HSPA1L: variants seen among roughly 807,000 people sequenced by gnomAD.
HSPA1L encodes the protein heat shock protein family A (Hsp70) member 1 like, also known as heat shock 70 kDa protein 1-like.
HSPA1L carries 21 observed loss-of-function variants against 31.5 expected under a neutral mutation model. The observed-to-expected ratio is 0.67, with a 90% CI of 0.47 to 0.96. The LOEUF (loss-of-function observed/expected upper bound fraction) is 0.96, where lower values mean the gene tolerates loss of function less well. HSPA1L is among the 40% of genes least tolerant of loss of function. The pLI, the probability that HSPA1L is intolerant of heterozygous loss-of-function variation, is 0.00. For synonymous variants in HSPA1L, 293 were observed against 323.1 expected (o/e 0.91, Z 1.00); for missense variants, 709 against 813.4 (o/e 0.87, Z 1.56).
At position 31,810,689 on chromosome 6, in the gene HSPA1L, C is replaced by CT. The variant is rs1232559559; in HGVS notation, c.1283dup (p.Ile429AspfsTer7). ...GGTTGTCAGAGTAGGTGGTGAAAAT[C>CT]TGTGTCTGCTTGGTGGGGATGGTGG... On this transcript the variant is annotated frameshift_variant, in exon 2 of 2. Coordinates refer to ENST00000375654, the MANE Select transcript of HSPA1L (RefSeq NM_005527.4). LOFTEE classifies it high-confidence loss of function. 6 of 1,614,010 alleles carry CT rather than the reference C, an allele frequency of 3.7e-6. 1 individual carries two copies. In the South Asian group the frequency reaches 6.6e-5, roughly 18 times the overall value.
chr6:31,814,492 G>A (rs1815709351), intron 1 of HSPA1L, among the ~76,000 whole-genome samples: 1 of 143,960 alleles, frequency 6.9e-6, no homozygotes, highest in African/African-American at 2.6e-5. Flanking sequence ...CTGGGCGACA[G>A]AGCGAGACTC....
chr6:31,811,806 G>T lies in HSPA1L; in HGVS notation c.167C>A (p.Ala56Glu). The change falls in exon 2 of 2, where the codon GCG becomes GAG. Residue 56 changes from alanine to glutamate, a missense_variant. By Grantham distance (107) the Ala-to-Glu change is moderately radical (BLOSUM62 -1). Coordinates refer to ENST00000375654, the MANE Select transcript of HSPA1L (RefSeq NM_005527.4). ...ATTCATTGCTACCTGGTTCTTGGCC[G>T]CATCCCCAATGAGCCGCTCGGTGTC... ...FTDTERLIGD[A>E]AKNQVAMNPQ... The T allele has an allele frequency of 1.2e-6, 2 of 1,614,132 alleles. No homozygotes were observed. The highest frequency in any genetic ancestry group is 2.2e-5 in the South Asian group (2 of 91,086).
In HSPA1L at chr6:31,815,097, G is replaced by A. The variant is rs917959526; in HGVS notation, c.-222C>T. The A allele has an allele frequency of 2.1e-6, 2 of 936,514 alleles. No homozygotes were observed. The highest frequency in any genetic ancestry group is 2.6e-6 in the Non-Finnish European group (2 of 782,748). The allele number at this position is 936,514 out of a possible 1,614,324, so 58.0% of individuals were successfully genotyped here. A position where few individuals can be genotyped will look rare whatever the true frequency, so the allele number is the denominator to read the frequency against. On this transcript the variant is annotated 5_prime_UTR_variant, in exon 1 of 2. It adds an upstream start codon to the 5' untranslated region. Transcript: ENST00000375654. The stretch of plus-strand genomic sequence containing the variant: ...TCAGAGACAGTATCTCCATTGTAAC[G>A]TGGCCGGGCGGTGTCAACACAAACG...
Position 31,810,471 on chromosome 6 carries a change from T to C in HSPA1L, c.1502A>G (p.Asn501Ser). The change falls in exon 2 of 2, where the codon AAC becomes AGC. Residue 501 changes from asparagine (N) to serine (S), a missense_variant. Physicochemically the swap from Asn to Ser is conservative, Grantham distance 46. Coordinates refer to ENST00000375654, the MANE Select transcript of HSPA1L (RefSeq NM_005527.4). ...TATDKSTGKV[N>S]KITITNDKGR... The stretch of plus-strand genomic sequence containing the variant: ...CTTGTCATTGGTGATGGTGATCTTG[T>C]TCACCTTGCCGGTGCTCTTGTCCGT... The C allele has an allele frequency of 5.0e-6, 8 of 1,613,998 alleles. No individual in the cohort carries two copies. In the South Asian group the frequency reaches 8.8e-5, roughly 18 times the overall value.
chr6:31,809,996 G>A lies in HSPA1L; in HGVS notation c.*51C>T. The A allele has an allele frequency of 1.5e-6, 2 of 1,304,666 alleles. No individual in the cohort carries two copies. Among genetic ancestry groups the A allele is most frequent in the Non-Finnish European group, 2.0e-6 (2 of 1,002,280 alleles). The allele number at this position is 1,304,666 out of a possible 1,614,324, so 80.8% of individuals were successfully genotyped here. On this transcript the variant is annotated 3_prime_UTR_variant, in exon 2 of 2. Transcript: ENST00000375654. Reference sequence around the variant, plus strand: ...ATAATAATGATGTTTGAAGATGAGGGGAATGAAATACATGTAGAGGCATCC... The same window carrying A: ...ATAATAATGATGTTTGAAGATGAGGAGAATGAAATACATGTAGAGGCATCC...
rs142613640 is a variant in HSPA1L at position 31,811,165 on chromosome 6, C to T, written c.808G>A (p.Glu270Lys). ...RAVRRLRTAC[E>K]RAKRTLSSST... The stretch of plus-strand genomic sequence containing the variant: ...GACGACAGGGTCCTCTTGGCCCTCT[C>T]GCAGGCGGTGCGCAGCCGCCTCACG... The change falls in exon 2 of 2, where the codon GAG (glutamate) becomes AAG (lysine). Residue 270 changes from glutamate to lysine, a missense_variant. Physicochemically the swap from Glu to Lys is moderately conservative, Grantham distance 56 (BLOSUM62 1). Transcript: ENST00000375654. 242 of 1,614,066 alleles carry T rather than the reference C, an allele frequency of 1.5e-4. No individual in the cohort carries two copies. Among genetic ancestry groups the T allele is most frequent in the Non-Finnish European group, 1.9e-4 (224 of 1,180,044 alleles).
At position 31,810,822 on chromosome 6, in the gene HSPA1L, C is replaced by T; in HGVS notation, c.1151G>A (p.Gly384Glu). ...GTCCTGTACCTTCTCAGACTTGTCCCCCATCAGGATGGCTGCTTGTACCGC... is the reference window on the plus strand; with the variant it reads ...GTCCTGTACCTTCTCAGACTTGTCCTCCATCAGGATGGCTGCTTGTACCGC... The part of the protein sequence containing the change: ...GAAVQAAILM[G>E]DKSEKVQDLL... The change falls in exon 2 of 2, where the codon GGG becomes GAG. Residue 384 changes from glycine (G) to glutamate (E), a missense_variant. By Grantham distance (98) the Gly-to-Glu change is moderately conservative. Transcript: ENST00000375654. The T allele has an allele frequency of 6.2e-7, 1 of 1,614,138 alleles. No individual in the cohort carries two copies. The highest frequency in any genetic ancestry group is 1.1e-5 in the South Asian group (1 of 91,086).
rs1345768587 is a variant in HSPA1L, at chr6:31,810,651, A to G, written c.1322T>C (p.Leu441Pro). ...TTYSDNQPGV[L>P]IQVYEGERAM... The stretch of plus-strand genomic sequence containing the variant: ...CCTCTCGCCCTCATACACCTGGATC[A>G]GCACCCCGGGTTGGTTGTCAGAGTA... The change falls in exon 2 of 2, where the codon CTG becomes CCG. Residue 441 changes from leucine to proline, a missense_variant. By Grantham distance (98) the Leu-to-Pro change is moderately conservative. Transcript: ENST00000375654. The G allele has an allele frequency of 1.2e-6, 2 of 1,613,922 alleles. No homozygotes were observed. The highest frequency in any genetic ancestry group is 2.2e-5 in the South Asian group (2 of 91,058).
chr6:31,815,192 C>A lies in HSPA1L; in HGVS notation c.-317G>T. 4.3e-6 allele frequency: 1 copy of A among 229,928 alleles called. No individual in the cohort carries two copies. The highest frequency in any genetic ancestry group is 8.1e-6 in the Non-Finnish European group (1 of 123,770). The allele number at this position is 229,928 out of a possible 1,614,324, so 14.2% of individuals were successfully genotyped here. A position where few individuals can be genotyped will look rare whatever the true frequency, so the allele number is the denominator to read the frequency against. Reference sequence around the variant, plus strand: ...CCCCCTGCCCACAACTGCGCAGGCCCAGCAAGCCCCCACAATTAAAAGCCC... The same window carrying A: ...CCCCCTGCCCACAACTGCGCAGGCCAAGCAAGCCCCCACAATTAAAAGCCC... On this transcript the variant is annotated 5_prime_UTR_variant, in exon 1 of 2. Transcript: ENST00000375654.
chr6:31,810,652 G>A lies in HSPA1L; in HGVS notation c.1321C>T (p.Leu441=). 7 of 1,613,920 alleles carry A rather than the reference G, an allele frequency of 4.3e-6. No individual in the cohort carries two copies. The highest frequency in any genetic ancestry group is 5.9e-6 in the Non-Finnish European group (7 of 1,179,986). Residue 441 remains leucine (L), a synonymous_variant, in exon 2 of 2, where the codon CTG becomes TTG. Coordinates refer to ENST00000375654, the MANE Select transcript of HSPA1L (RefSeq NM_005527.4). ...TTYSDNQPGV[L]IQVYEGERAM... ...CTCTCGCCCTCATACACCTGGATCAGCACCCCGGGTTGGTTGTCAGAGTAG... is the reference window on the plus strand; with the variant it reads ...CTCTCGCCCTCATACACCTGGATCAACACCCCGGGTTGGTTGTCAGAGTAG...
Position 31,810,082 on chromosome 6 carries a change from G to T in HSPA1L, c.1891C>A (p.Pro631Thr), listed in dbSNP as rs202159508. The T allele has an allele frequency of 4.3e-5, 61 of 1,431,454 alleles. No individual in the cohort carries two copies. Among genetic ancestry groups the T allele is most frequent in the Middle Eastern group, 3.7e-4 (2 of 5,364 alleles). The allele number at this position is 1,431,454 out of a possible 1,614,324, so 88.7% of individuals were successfully genotyped here. A position where few individuals can be genotyped will look rare whatever the true frequency, so the allele number is the denominator to read the frequency against. The change falls in exon 2 of 2, where the codon CCT becomes ACT. Residue 631 changes from proline (P) to threonine (T), a missense_variant. Pro to Thr is a conservative substitution (Grantham distance 38, BLOSUM62 -1). Coordinates refer to ENST00000375654, the MANE Select transcript of HSPA1L (RefSeq NM_005527.4). ...ACGTGYVPGR[P>T]ATGPTIEEVD ...TCTTCAATTGTGGGGCCTGTGGCAG[G>T]CCTTCCAGGCACATACCCTGTTCCG...
rs754395053 is a variant in HSPA1L at position 31,810,529 on chromosome 6, T to C, written c.1444A>G (p.Ile482Val). Residue 482 changes from isoleucine (I) to valine (V), a missense_variant, in exon 2 of 2, where the codon ATT becomes GTT. Physicochemically the swap from Ile to Val is conservative, Grantham distance 29. Coordinates refer to ENST00000375654, the MANE Select transcript of HSPA1L (RefSeq NM_005527.4). ...GVPQIEVTFDIDANGILNVTA... is the reference protein window; with the variant it reads ...GVPQIEVTFDVDANGILNVTA... Reference sequence around the variant, plus strand: ...ACATTGAGAATACCATTGGCATCAATGTCAAACGTCACCTCGATCTGAGGA... The same window carrying C: ...ACATTGAGAATACCATTGGCATCAACGTCAAACGTCACCTCGATCTGAGGA... The C allele has an allele frequency of 3.7e-6, 6 of 1,613,190 alleles. No homozygotes were observed. The highest frequency in any genetic ancestry group is 4.2e-6 in the Non-Finnish European group (5 of 1,179,570).
chr6:31,814,168 A>C (rs570751413), intron 1 of HSPA1L, among the ~76,000 whole-genome samples: 1 of 152,278 alleles, frequency 6.6e-6, no homozygotes, highest in African/African-American at 2.4e-5. Context: ...CAGCACTTTG[A>C]GAGGCCGAGG....
chr6:31,810,594 C>T lies in HSPA1L; in HGVS notation c.1379G>A (p.Arg460Gln), dbSNP rs147667814. 5.4e-5 allele frequency: 87 copies of T among 1,613,860 alleles called. No individual in the cohort carries two copies. Among genetic ancestry groups the T allele is most frequent in the East Asian group, 3.6e-4 (16 of 44,896 alleles). Reference protein sequence around the residue: ...AMTKDNNLLGRFDLTGIPPAP... With the variant: ...AMTKDNNLLGQFDLTGIPPAP... The stretch of plus-strand genomic sequence containing the variant: ...TGGAGGGATTCCAGTCAGGTCAAAC[C>T]GCCCCAGCAGGTTGTTGTCCTTTGT... The change falls in exon 2 of 2, where the codon CGG becomes CAG. Residue 460 changes from arginine to glutamine, a missense_variant. Arg to Gln is a conservative substitution (Grantham distance 43). Coordinates refer to ENST00000375654, the MANE Select transcript of HSPA1L (RefSeq NM_005527.4).
At position 31,810,087 on chromosome 6, in the gene HSPA1L, C is replaced by G; in HGVS notation, c.1886G>C (p.Gly629Ala). 6.9e-7 allele frequency: 1 copy of G among 1,442,324 alleles called. No homozygotes were observed. The highest frequency in any genetic ancestry group is 9.1e-7 in the Non-Finnish European group (1 of 1,098,174). The allele number at this position is 1,442,324 out of a possible 1,614,324, so 89.3% of individuals were successfully genotyped here. A position where few individuals can be genotyped will look rare whatever the true frequency, so the allele number is the denominator to read the frequency against. The change falls in exon 2 of 2, where the codon GGA becomes GCA. Residue 629 changes from glycine to alanine, a missense_variant. Gly to Ala is a moderately conservative substitution (Grantham distance 60). Coordinates refer to ENST00000375654, the MANE Select transcript of HSPA1L (RefSeq NM_005527.4). The part of the protein sequence containing the change: ...GPACGTGYVP[G>A]RPATGPTIEE... Reference sequence around the variant, plus strand: ...AATTGTGGGGCCTGTGGCAGGCCTTCCAGGCACATACCCTGTTCCGCAGGC... The same window carrying G: ...AATTGTGGGGCCTGTGGCAGGCCTTGCAGGCACATACCCTGTTCCGCAGGC...
At position 31,811,319 on chromosome 6, in the gene HSPA1L, A is replaced by G. The variant is rs1581696003; in HGVS notation, c.654T>C (p.Ile218=). 1 of 1,614,090 alleles carries G rather than the reference A, an allele frequency of 6.2e-7. No homozygotes were observed. The highest frequency in any genetic ancestry group is 8.5e-7 in the Non-Finnish European group (1 of 1,180,014). Residue 218 remains isoleucine (I), a synonymous_variant, in exon 2 of 2, where the codon ATT becomes ATC. Transcript: ENST00000375654. ...DVSILTIDDG[I]FEVKATAGDT... is the part of the protein sequence containing the mutation. ...CCCCAGCAGTGGCCTTTACCTCAAA[A>G]ATCCCATCATCTATGGTCAGAATTG...
chr6:31,810,647 G>C lies in HSPA1L; in HGVS notation c.1326C>G (p.Ile442Met). The change falls in exon 2 of 2, where the codon ATC (isoleucine) becomes ATG (methionine). Residue 442 changes from isoleucine to methionine, a missense_variant. Physicochemically the swap from Ile to Met is conservative, Grantham distance 10. Transcript: ENST00000375654. Reference sequence around the variant, plus strand: ...TGGCCCTCTCGCCCTCATACACCTGGATCAGCACCCCGGGTTGGTTGTCAG... The same window carrying C: ...TGGCCCTCTCGCCCTCATACACCTGCATCAGCACCCCGGGTTGGTTGTCAG... ...TYSDNQPGVL[I>M]QVYEGERAMT... 6.2e-7 allele frequency: 1 copy of C among 1,613,916 alleles called. No homozygotes were observed. Among genetic ancestry groups the C allele is most frequent in the Non-Finnish European group, 8.5e-7 (1 of 1,180,004 alleles).
In HSPA1L at chr6:31,811,882, T is replaced by C. The variant is rs1298381462; in HGVS notation, c.91A>G (p.Ile31Val). The change falls in exon 2 of 2, where the codon ATC (isoleucine) becomes GTC (valine). Residue 31 changes from isoleucine (I) to valine (V), a missense_variant. Physicochemically the swap from Ile to Val is conservative, Grantham distance 29 (BLOSUM62 3). Transcript: ENST00000375654. ...GTGCGGTTGCCCTGGTCGTTGGCGA[T>C]GATCTCCACCTTGCCGTGCTGGAAC... Reference protein sequence around the residue: ...GVFQHGKVEIIANDQGNRTTP... With the variant: ...GVFQHGKVEIVANDQGNRTTP... 6.2e-7 allele frequency: 1 copy of C among 1,614,184 alleles called. No individual in the cohort carries two copies. Among genetic ancestry groups the C allele is most frequent in the Non-Finnish European group, 8.5e-7 (1 of 1,180,036 alleles).
At position 31,810,370 on chromosome 6, in the gene HSPA1L, T is replaced by G; in HGVS notation, c.1603A>C (p.Arg535=). The G allele has an allele frequency of 6.2e-7, 1 of 1,610,832 alleles. No individual in the cohort carries two copies. The highest frequency in any genetic ancestry group is 8.5e-7 in the Non-Finnish European group (1 of 1,178,384). The stretch of plus-strand genomic sequence containing the variant: ...GCATTCTTTGCAGCAATTTTCTCCC[T>G]CTGGACCTCATCTTCAGCTTTATAT... ...EKYKAEDEVQ[R]EKIAAKNALE... The change falls in exon 2 of 2, where the codon AGG becomes CGG. Residue 535 remains arginine (R), a synonymous_variant. Transcript: ENST00000375654.
Sources: gnomAD v4.1 joint callset for allele counts (sites outside exome capture counted in the v4.1 genomes callset) on GRCh38, gnomAD v4.1.1 for gene constraint, MANE v1.5 for transcripts, NCBI Gene and HGNC (gene_info 2026-07-23, HGNC 2026-07-21) for gene names.